Variants in CDC42SE2 observed in about 807,000 individuals in gnomAD.
CDC42SE2 encodes CDC42 small effector protein 2.
CDC42SE2 carries 3 observed loss-of-function variants against 11.5 expected under a neutral mutation model. That is an observed-to-expected ratio of 0.26 (90% CI 0.12 to 0.67). CDC42SE2 has a LOEUF of 0.67. CDC42SE2 is among the 30% of genes least tolerant of loss of function. CDC42SE2 has a pLI of 0.80. For synonymous variants in CDC42SE2, 33 were observed against 34.8 expected, an observed-to-expected ratio of 0.95 and a Z score of 0.18; for missense variants, 82 against 106.8, an observed-to-expected ratio of 0.77 and a Z score of 1.02.
At chr5:131,353,583 A>G (rs1749433173) in intron 2 of CDC42SE2, among the ~76,000 whole-genome samples, 1 of 152,244 alleles carries the variant, frequency 6.6e-6, no homozygotes. Flanking sequence ...TGCCCGGCCT[A>G]CTTTTTAAAT....
At chr5:131,274,305 G>T (rs1290356562) in intron 1 of CDC42SE2, among the ~76,000 whole-genome samples, 1 of 151,950 alleles carries the variant, frequency 6.6e-6, no homozygotes, top group Non-Finnish European at 1.5e-5. Context: ...CCATCTTTCA[G>T]TTTCTTTGGC....
chr5:131,239,456 A>G, the CDC42SE2 span, among the ~76,000 whole-genome samples: 1 of 151,758 alleles, frequency 6.6e-6, no homozygotes, highest in African/African-American at 2.4e-5. Context: ...AAAAAGAAAT[A>G]TTTTTCTATA....
At chr5:131,224,602 T>C in the CDC42SE2 span, among the ~76,000 whole-genome samples, 23 of 152,072 alleles carry the variant, frequency 1.5e-4, no homozygotes, top group Non-Finnish European at 3.2e-4. Context: ...CCTATCTCTC[T>C]TCCTCTAACT....
At chr5:131,390,085 C>G (rs189632161) in intron 4 of CDC42SE2, among the ~76,000 whole-genome samples, 110 of 152,250 alleles carry the variant, frequency 7.2e-4, no homozygotes, top group Admixed American at 2.7e-3. Flanking sequence ...GCAATGTGGT[C>G]GGGAGAGATT....
At chr5:131,292,559 C>CA (rs58166806) in intron 1 of CDC42SE2, among the ~76,000 whole-genome samples, 13 of 117,878 alleles carry the variant, frequency 1.1e-4, no homozygotes, top group African/African-American at 2.1e-4. Context: ...GACTCCATCT[C>CA]AAAAAAAAAA....
intron 2 of CDC42SE2, among the ~76,000 whole-genome samples, chr5:131,331,043 C>T (rs1164899797): frequency 1.3e-5 from 2 of 151,848 alleles, no homozygotes; most frequent in Non-Finnish European, 2.9e-5. Flanking sequence ...ATAAAATTAT[C>T]TAAATGAAAA....
At chr5:131,306,621 G>C (rs1344338542) in intron 1 of CDC42SE2, among the ~76,000 whole-genome samples, 1 of 152,054 alleles carries the variant, frequency 6.6e-6, no homozygotes, top group Non-Finnish European at 1.5e-5. Flanking sequence ...TTCTATTTCT[G>C]TGAAAAACAG....
chr5:131,341,810 G>A (rs149787180), intron 2 of CDC42SE2, among the ~76,000 whole-genome samples: 5 of 151,828 alleles, frequency 3.3e-5, no homozygotes, highest in East Asian at 3.9e-4. Context: ...TAGGAGAATC[G>A]TTTGAACCCA....
the CDC42SE2 span, among the ~76,000 whole-genome samples, chr5:131,214,581 T>C: frequency 6.6e-6 from 1 of 152,112 alleles, no homozygotes; most frequent in Non-Finnish European, 1.5e-5. Context: ...CAGACTGATG[T>C]AGAGATTTAT....
At chr5:131,368,280 T>C (rs965184684) in intron 3 of CDC42SE2, among the ~76,000 whole-genome samples, 1 of 151,288 alleles carries the variant, frequency 6.6e-6, no homozygotes, top group Non-Finnish European at 1.5e-5. Context: ...AAAAGAAGTC[T>C]TTCCCCTCCC....
chr5:131,270,442 C>T (rs1756970178), intron 1 of CDC42SE2, among the ~76,000 whole-genome samples: 1 of 152,202 alleles, frequency 6.6e-6, no homozygotes, highest in Non-Finnish European at 1.5e-5. Flanking sequence ...CTTAATAAAA[C>T]TTTCACTTTT....
At chr5:131,269,009 A>G (rs923857613) in intron 1 of CDC42SE2, among the ~76,000 whole-genome samples, 8 of 152,108 alleles carry the variant, frequency 5.3e-5, no homozygotes, top group African/African-American at 1.4e-4. Context: ...TTGGCCTTCC[A>G]AAGTGCTGGT....
chr5:131,330,163 AG>A (rs1430459516), intron 2 of CDC42SE2, among the ~76,000 whole-genome samples: 2 of 152,154 alleles, frequency 1.3e-5, no homozygotes, highest in Non-Finnish European at 2.9e-5. Context: ...GAAGGCTGGA[AG>A]GCTAAGCTCA....
At chr5:131,372,615 C>G (rs935331209) in intron 3 of CDC42SE2, among the ~76,000 whole-genome samples, 2 of 151,720 alleles carry the variant, frequency 1.3e-5, no homozygotes, top group Non-Finnish European at 1.5e-5. Context: ...TCGGGAGGCA[C>G]TGAGGCAGAA....
chr5:131,252,796 T>G (rs749258196), intron 1 of CDC42SE2, among the ~76,000 whole-genome samples: 6 of 152,214 alleles, frequency 3.9e-5, no homozygotes, highest in African/African-American at 7.2e-5. Flanking sequence ...CTCTCATATC[T>G]TCCTGATTTT....
chr5:131,267,731 A>G (rs546364403), intron 1 of CDC42SE2, among the ~76,000 whole-genome samples: 1 of 152,100 alleles, frequency 6.6e-6, no homozygotes, highest in Non-Finnish European at 1.5e-5. Context: ...TTCTCACATT[A>G]TTTTCTGGGA....
upstream of CDC42SE2, among the ~76,000 whole-genome samples, chr5:131,242,658 T>C (rs185191101): frequency 5.3e-4 from 80 of 152,332 alleles, no homozygotes; most frequent in African/African-American, 1.8e-3. Context: ...CTACTTAATA[T>C]GTATGCTCTT....
At chr5:131,263,043 T>A (rs141860155), upstream of CDC42SE2, among the ~76,000 whole-genome samples, 879 of 151,610 alleles carry the variant, frequency 5.8e-3, 3 homozygotes, top group Non-Finnish European at 8.5e-3. Flanking sequence ...ACGTAACTCC[T>A]GGCCTCAGCC....
chr5:131,312,837 A>C (rs1345063176), intron 1 of CDC42SE2, among the ~76,000 whole-genome samples: 1 of 152,126 alleles, frequency 6.6e-6, no homozygotes, highest in African/African-American at 2.4e-5. Flanking sequence ...TGCGCCCACG[A>C]TCTGGCTCTC....
Sources: allele counts gnomAD v4.1 joint callset (sites outside exome capture counted in the v4.1 genomes callset), GRCh38; gene constraint gnomAD v4.1.1; transcripts MANE v1.5; gene names NCBI Gene and HGNC (gene_info 2026-07-23, HGNC 2026-07-21).